Variants in ARPP21 observed in about 807,000 individuals in gnomAD.
ARPP21 encodes cAMP regulated phosphoprotein 21.
Under a neutral mutation model 113.2 loss-of-function variants are expected in ARPP21, and 69 were observed. The observed-to-expected ratio is 0.61, with a 90% CI of 0.50 to 0.74. ARPP21 has a LOEUF of 0.74. Ranked by LOEUF, ARPP21 falls within the 30% of genes least tolerant of loss-of-function variation. The pLI, the probability that ARPP21 is intolerant of heterozygous loss-of-function variation, is 0.00. For synonymous variants in ARPP21, 368 were observed against 375.5 expected (o/e 0.98, Z 0.23); for missense variants, 1,070 against 1,037.4 (o/e 1.03, Z -0.43).
At chr3:35,784,354 G>T (rs574310664) in intron 19 of ARPP21, among the ~76,000 whole-genome samples, 19 of 152,316 alleles carry the variant, frequency 1.2e-4, no homozygotes, top group African/African-American at 4.3e-4. Context: ...GCCCTTTGAG[G>T]CTTGAAAGTA....
intron 1 of ARPP21, among the ~76,000 whole-genome samples, chr3:35,659,948 A>G (rs533190610): frequency 1.3e-5 from 2 of 152,254 alleles, no homozygotes; most frequent in East Asian, 3.9e-4. Flanking sequence ...TTGTAATAAA[A>G]ACATCAGAGA....
rs764678397 is a variant in ARPP21, at chr3:35,739,434, C to A, written c.1867C>A (p.Gln623Lys). Residue 623 changes from glutamine (Q) to lysine (K), a missense_variant, in exon 18 of 21, where the codon CAG becomes AAG. Gln to Lys is a moderately conservative substitution (Grantham distance 53). Transcript: ENST00000684406. Reference protein sequence around the residue: ...YPSSLMPQPAQQPSYVIASTG... With the variant: ...YPSSLMPQPAKQPSYVIASTG... ...ATCCTCCCTTATGCCACAGCCGGCC[C>A]AGCAGCCCAGCTATGTAATCGCCTC... The A allele has an allele frequency of 6.2e-7, 1 of 1,614,172 alleles. No homozygotes were observed. Among genetic ancestry groups the A allele is most frequent in the Non-Finnish European group, 8.5e-7 (1 of 1,180,036 alleles).
chr3:35,762,583 GACT>G, intron 19 of ARPP21, among the ~76,000 whole-genome samples: 1 of 152,124 alleles, frequency 6.6e-6, no homozygotes, highest in East Asian at 1.9e-4. Flanking sequence ...AAACATTCGT[GACT>G]ACTTACAACC....
chr3:35,747,680 G>A (rs1244976797), intron 19 of ARPP21, among the ~76,000 whole-genome samples: 1 of 152,120 alleles, frequency 6.6e-6, no homozygotes, highest in Non-Finnish European at 1.5e-5. Flanking sequence ...CAACTTGGAG[G>A]AGTACAAAAT....
intron 5 of ARPP21, chr3:35,685,563 T>C (rs1296590338): frequency 2.0e-6 from 2 of 984,522 alleles, no homozygotes; most frequent in African/African-American, 1.7e-5. Flanking sequence ...GTATACAGTA[T>C]ATGGATTGTA....
intron 1 of ARPP21, among the ~76,000 whole-genome samples, chr3:35,669,335 T>G (rs754032683): frequency 2.6e-5 from 4 of 152,148 alleles, no homozygotes; most frequent in Non-Finnish European, 5.9e-5. Context: ...TCCTTTCTTA[T>G]CTACTTTAAA....
chr3:35,740,718 C>T (rs998515847), intron 18 of ARPP21, among the ~76,000 whole-genome samples: 1 of 152,062 alleles, frequency 6.6e-6, no homozygotes, highest in African/African-American at 2.4e-5. Flanking sequence ...GCCTAAAAAG[C>T]GTTTAAGTGT....
At chr3:35,759,115 A>G (rs532557772) in intron 19 of ARPP21, among the ~76,000 whole-genome samples, 1 of 152,168 alleles carries the variant, frequency 6.6e-6, no homozygotes, top group Admixed American at 6.6e-5. Flanking sequence ...ATAAACCCCC[A>G]TGAGGTTAAT....
Position 35,639,724 on chromosome 3 carries a change from G to GCTCC in ARPP21, c.-878_-875dup, listed in dbSNP as rs1211506186. The GCTCC allele has an allele frequency of 1.3e-5, 2 of 153,198 alleles. No homozygotes were observed. Among genetic ancestry groups the GCTCC allele is most frequent in the African/African-American group, 2.4e-5 (1 of 41,444 alleles). The allele number at this position is 153,198 out of a possible 1,614,324, so 9.5% of individuals were successfully genotyped here. On this transcript the variant is annotated 5_prime_UTR_variant, in exon 1 of 21. Transcript: ENST00000684406. This position sits in a 1 kb window ranked among gnomAD's most constrained non-coding sequence, Gnocchi z 5.0. ...GAAAGATAGACAGCAACACTCGCGT[G>GCTCC]CTCCCTCCCTCCACACGCCCTCCTC...
chr3:35,745,405 T>C lies in ARPP21; in HGVS notation c.2137+1440T>C, dbSNP rs181152068. On this transcript the variant is annotated intron_variant, in intron 19 of 20. Transcript: ENST00000684406. ...TGGTTTAGAGGCTATGTGCAAGTTT[T>C]CTACTTGGTTACTAATGCCTTTAGA... 2.6e-3 allele frequency among the ~76,000 whole-genome samples: 398 copies of C among 152,364 alleles called. 1 individual carries two copies. Among genetic ancestry groups the C allele is most frequent in the Admixed American group, 7.3e-3 (111 of 15,306 alleles).
At chr3:35,769,182 G>T (rs549606271) in intron 19 of ARPP21, among the ~76,000 whole-genome samples, 1 of 152,242 alleles carries the variant, frequency 6.6e-6, no homozygotes, top group South Asian at 2.1e-4. Flanking sequence ...GTAGAAAGCT[G>T]CACAGCCTTT....
At chr3:35,779,157 C>A (rs2096462919) in intron 19 of ARPP21, among the ~76,000 whole-genome samples, 1 of 152,054 alleles carries the variant, frequency 6.6e-6, no homozygotes, top group Admixed American at 6.6e-5. Flanking sequence ...ATACTGGGGG[C>A]AAATTAGGTA....
chr3:35,777,503 T>G (rs1282430577), intron 19 of ARPP21, among the ~76,000 whole-genome samples: 2 of 152,210 alleles, frequency 1.3e-5, no homozygotes, highest in African/African-American at 4.8e-5. Context: ...AACTATTTAG[T>G]CTCATTTAAA....
rs894715833 is a variant in ARPP21, at chr3:35,707,301, G to C, written c.795+219G>C. 6.2e-6 allele frequency: 4 copies of C among 640,054 alleles called. No individual in the cohort carries two copies. The African/African-American group carries it at 7.2e-5, about 11-fold the overall frequency. 39.6% of individuals were successfully genotyped at this position (640,054 alleles called of 1,614,324 possible). ...TCCTGGTTGCTTTAGCAATGGCTCT[G>C]TGTTGGGCTGCATGGGTGGTGCTTG... is the stretch of plus-strand genomic sequence containing the variant. On this transcript the variant is annotated intron_variant, in intron 10 of 20. Coordinates refer to ENST00000684406, the MANE Select transcript of ARPP21 (RefSeq NM_001385562.1).
rs1162124125 is a variant in ARPP21 at position 35,738,262 on chromosome 3, G to A, written c.1693G>A (p.Val565Ile). The part of the protein sequence containing the change: ...ASSQSVQYPA[V>I]SFPPQHLLPV... ...CTCCCAGTCAGTGCAATATCCAGCAGTCTCTTTTCCTCCCCAGCACCTCCT... is the reference window on the plus strand; with the variant it reads ...CTCCCAGTCAGTGCAATATCCAGCAATCTCTTTTCCTCCCCAGCACCTCCT... Residue 565 changes from valine (V) to isoleucine (I), a missense_variant, in exon 17 of 21, where the codon GTC (valine) becomes ATC (isoleucine). Coordinates refer to ENST00000684406, the MANE Select transcript of ARPP21 (RefSeq NM_001385562.1). 1.3e-6 allele frequency: 2 copies of A among 1,536,226 alleles called. No homozygotes were observed. Among genetic ancestry groups the A allele is most frequent in the Non-Finnish European group, 1.7e-6 (2 of 1,146,884 alleles).
chr3:35,722,571 C>T (rs1487776269), intron 14 of ARPP21, among the ~76,000 whole-genome samples: 1 of 152,186 alleles, frequency 6.6e-6, no homozygotes, highest in Non-Finnish European at 1.5e-5. Context: ...GCAGATAAGA[C>T]AGGTGAGTGT....
chr3:35,639,302 A>G (rs1350708174), upstream of ARPP21, among the ~76,000 whole-genome samples: 1 of 151,888 alleles, frequency 6.6e-6, no homozygotes, highest in Non-Finnish European at 1.5e-5. The surrounding 1 kb of genome is among the most constrained non-coding windows in gnomAD (Gnocchi z 5.0). Flanking sequence ...CCAGTGGCGC[A>G]GAGGCGGCGA....
chr3:35,775,986 G>A (rs1305373781), intron 19 of ARPP21, among the ~76,000 whole-genome samples: 1 of 151,936 alleles, frequency 6.6e-6, no homozygotes, highest in Non-Finnish European at 1.5e-5. Flanking sequence ...GTCTATTTTG[G>A]TACTTTAACA....
chr3:35,735,287 A>T (rs1438163885), intron 15 of ARPP21, among the ~76,000 whole-genome samples: 2 of 151,334 alleles, frequency 1.3e-5, no homozygotes, highest in African/African-American at 4.9e-5. Context: ...AATTTTTTGT[A>T]TTTTTTTTAG....
Sources: allele counts gnomAD v4.1 joint callset (sites outside exome capture counted in the v4.1 genomes callset), GRCh38; gene constraint gnomAD v4.1.1; non-coding constraint Gnocchi (gnomAD v3.1); transcripts MANE v1.5; gene names NCBI Gene and HGNC (gene_info 2026-07-23, HGNC 2026-07-21).